DACH1: variants seen among roughly 807,000 people sequenced by gnomAD.
DACH1 encodes dachshund homolog 1.
DACH1 carries 12 observed loss-of-function variants against 54.2 expected under a neutral mutation model. That is an observed-to-expected ratio of 0.22 (90% CI 0.14 to 0.36). DACH1 has a LOEUF of 0.36. Among genes scored for constraint, DACH1 ranks in the 10% least tolerant of loss-of-function variants. The pLI is 1.00. For synonymous variants in DACH1, 386 were observed against 366.2 expected, an observed-to-expected ratio of 1.05 and a Z score of -0.62; for missense variants, 805 against 929.8, an observed-to-expected ratio of 0.87 and a Z score of 1.75.
chr13:71,717,839 C>T (rs977615764), intron 1 of DACH1, among the ~76,000 whole-genome samples: 3 of 151,740 alleles, frequency 2.0e-5, no homozygotes, highest in East Asian at 1.9e-4. Flanking sequence ...ACATCTCTTT[C>T]GTTTTTTCAG....
At chr13:71,555,300 C>T (rs1276681160) in intron 6 of DACH1, among the ~76,000 whole-genome samples, 2 of 151,654 alleles carry the variant, frequency 1.3e-5, no homozygotes, top group African/African-American at 2.4e-5. Flanking sequence ...AAACTTGAGT[C>T]TTCGATGAAA....
chr13:71,480,379 G>A (rs1877922452), intron 7 of DACH1, among the ~76,000 whole-genome samples: 1 of 152,110 alleles, frequency 6.6e-6, no homozygotes, highest in Non-Finnish European at 1.5e-5. Flanking sequence ...AACTAATGGT[G>A]AATATATAAA....
chr13:71,501,832 C>T (rs1294070163), intron 6 of DACH1, among the ~76,000 whole-genome samples: 2 of 152,134 alleles, frequency 1.3e-5, no homozygotes, highest in East Asian at 1.9e-4. Flanking sequence ...GTTTTAAATG[C>T]TTTGCATGCA....
At chr13:71,458,204 C>G (rs1875754037) in intron 10 of DACH1, among the ~76,000 whole-genome samples, 1 of 151,560 alleles carries the variant, frequency 6.6e-6, no homozygotes, top group Non-Finnish European at 1.5e-5. Flanking sequence ...TTAAAAAAAA[C>G]AGCAGAGGCC....
chr13:71,655,372 ATT>A (rs1188983203), intron 2 of DACH1, among the ~76,000 whole-genome samples: 121 of 137,884 alleles, frequency 8.8e-4, no homozygotes, highest in African/African-American at 2.5e-3. Context: ...TTTTTTTTTA[ATT>A]TTTTTTTTTT....
chr13:71,797,715 G>A lies in DACH1; in HGVS notation c.848+68207C>T, dbSNP rs901864539. Among the ~76,000 whole-genome samples the A allele has an allele frequency of 1.1e-4, 16 of 152,146 alleles. No homozygotes were observed. In the East Asian group the frequency reaches 2.1e-3, roughly 20 times the overall value. On this transcript the variant is annotated intron_variant, in intron 1 of 10. Transcript: ENST00000613252. Reference sequence around the variant, plus strand: ...TGAGCTTCACTTCACCGAATGTTCCGAGATATTTATTTCCCTAAAGGCTCT... The same window carrying A: ...TGAGCTTCACTTCACCGAATGTTCCAAGATATTTATTTCCCTAAAGGCTCT...
intron 1 of DACH1, among the ~76,000 whole-genome samples, chr13:71,801,875 G>T (rs1887303945): frequency 6.6e-6 from 1 of 151,748 alleles, no homozygotes; most frequent in African/African-American, 2.4e-5. Context: ...ACTTCCAAAG[G>T]TTTGGAATCC....
At chr13:71,648,036 A>T (rs542848803) in intron 2 of DACH1, among the ~76,000 whole-genome samples, 1 of 152,302 alleles carries the variant, frequency 6.6e-6, no homozygotes, top group South Asian at 2.1e-4. Context: ...ATTTAGAGTT[A>T]CCAGGAACAG....
At position 71,772,815 on chromosome 13, in the gene DACH1, CTAGTT is replaced by C. The variant is rs1170551231; in HGVS notation, c.849-90910_849-90906del. ...AAGTTTCTTCCAAATACAACAAAAA[CTAGTT>C]TAGAGAAATAGTATGCTGAATAAAT... On this transcript the variant is annotated intron_variant, in intron 1 of 10. Coordinates refer to ENST00000613252, the MANE Select transcript of DACH1 (RefSeq NM_080759.6). 4.6e-5 allele frequency among the ~76,000 whole-genome samples: 7 copies of C among 151,782 alleles called. No individual in the cohort carries two copies. The East Asian group carries it at 1.4e-3, about 29-fold the overall frequency.
intron 1 of DACH1, among the ~76,000 whole-genome samples, chr13:71,797,294 G>A (rs911649601): frequency 3.9e-5 from 6 of 151,920 alleles, no homozygotes; most frequent in African/African-American, 1.5e-4. Context: ...AAAAGAAAAC[G>A]TGGTACTTGC....
At chr13:71,662,395 G>A (rs1319483853) in intron 2 of DACH1, among the ~76,000 whole-genome samples, 1 of 151,980 alleles carries the variant, frequency 6.6e-6, no homozygotes, top group Non-Finnish European at 1.5e-5. Flanking sequence ...CTGTCACCTT[G>A]TGATTCAGGA....
At chr13:71,771,315 G>GAATAAATAAATA (rs1566490124) in intron 1 of DACH1, among the ~76,000 whole-genome samples, 1 of 140,814 alleles carries the variant, frequency 7.1e-6, no homozygotes. Flanking sequence ...AGAAGCAAAA[G>GAATAAATAAATA]GATAAATAAA....
At chr13:71,492,124 T>C (rs957190285) in intron 6 of DACH1, among the ~76,000 whole-genome samples, 1 of 152,312 alleles carries the variant, frequency 6.6e-6, no homozygotes, top group Non-Finnish European at 1.5e-5. Context: ...TACTTTAAAA[T>C]AATTGTATAC....
chr13:71,581,308 A>G (rs1435023305), intron 3 of DACH1, among the ~76,000 whole-genome samples: 1 of 152,192 alleles, frequency 6.6e-6, no homozygotes, highest in Non-Finnish European at 1.5e-5. Flanking sequence ...ACTATTACCC[A>G]GGCTGGAGAG....
intron 1 of DACH1, among the ~76,000 whole-genome samples, chr13:71,816,593 CACACAT>C (rs1887940898): frequency 2.0e-5 from 1 of 49,298 alleles, no homozygotes; most frequent in African/African-American, 5.8e-5. Context: ...TATATATATA[CACACAT>C]ATGTGTGTAT....
chr13:71,453,925 A>G (rs1202743250), intron 10 of DACH1, among the ~76,000 whole-genome samples: 1 of 152,188 alleles, frequency 6.6e-6, no homozygotes, highest in Non-Finnish European at 1.5e-5. Context: ...ACTGATATTT[A>G]GACAGTATAT....
At chr13:71,722,803 A>T (rs891301332) in intron 1 of DACH1, among the ~76,000 whole-genome samples, 55 of 152,128 alleles carry the variant, frequency 3.6e-4, no homozygotes, top group Non-Finnish European at 7.5e-4. Flanking sequence ...CAATGTCTAC[A>T]TCATTGCTGT....
At chr13:71,578,180 A>G (rs1367299705) in intron 3 of DACH1, among the ~76,000 whole-genome samples, 4 of 152,190 alleles carry the variant, frequency 2.6e-5, no homozygotes, top group African/African-American at 9.6e-5. Flanking sequence ...TAAAGGAGGC[A>G]AATCGCAAAG....
chr13:71,836,521 G>T (rs1888790376), intron 1 of DACH1, among the ~76,000 whole-genome samples: 1 of 151,900 alleles, frequency 6.6e-6, no homozygotes, highest in Non-Finnish European at 1.5e-5. Context: ...CCTTAGAATT[G>T]CAGGAAAAAA....
Sources: allele counts gnomAD v4.1 joint callset (sites outside exome capture counted in the v4.1 genomes callset), GRCh38; gene constraint gnomAD v4.1.1; transcripts MANE v1.5; gene names NCBI Gene and HGNC (gene_info 2026-07-23, HGNC 2026-07-21).